The following RAB40C variants were observed in gnomAD, a reference collection of about 807,000 sequenced individuals.
The protein encoded by RAB40C is ras-related protein Rab-40C.
RAB40C carries 8 observed loss-of-function variants against 28.1 expected under a neutral mutation model. The observed-to-expected ratio is 0.28, with a 90% CI of 0.17 to 0.51. The LOEUF (loss-of-function observed/expected upper bound fraction) is 0.51, where lower values mean the gene tolerates loss of function less well. Among genes scored for constraint, RAB40C ranks in the 20% least tolerant of loss-of-function variants. The probability of loss-of-function intolerance (pLI) is 0.97; values close to 1 mark genes in which losing one functional copy is unlikely to be tolerated. For missense variants in RAB40C, 288 were observed against 405.9 expected (o/e 0.71, Z 2.50); for synonymous variants, 201 against 171.7 (o/e 1.17, Z -1.34).
At chr16:608,647 A>G (rs946983169) in intron 1 of RAB40C, among the ~76,000 whole-genome samples, 3 of 152,214 alleles carry the variant, frequency 2.0e-5, no homozygotes, top group African/African-American at 7.2e-5. Flanking sequence ...AGGCAGGCAG[A>G]TCACTTGAGG....
In RAB40C at chr16:625,685, C is replaced by T. The variant is rs140243187; in HGVS notation, c.342+176C>T. ...GGTCACTGTGCACACGACAGTCGGG[C>T]GTGGAGCCCAGCAAGACCAGGAGCT... On this transcript the variant is annotated intron_variant, in intron 4 of 5. Transcript: ENST00000248139. 5.0e-3 allele frequency: 4,174 copies of T among 837,896 alleles called. 22 individuals carry two copies. The highest frequency in any genetic ancestry group is 6.8e-3 in the Non-Finnish European group (3,649 of 534,638). 51.9% of individuals were successfully genotyped at this position (837,896 alleles called of 1,614,324 possible). A position where few individuals can be genotyped will look rare whatever the true frequency, so the allele number is the denominator to read the frequency against.
intron 1 of RAB40C, 169 bp from the exon 2 acceptor site, chr16:617,039 C>A: frequency 4.3e-6 from 3 of 700,730 alleles, no homozygotes; most frequent in Non-Finnish European, 4.9e-6. Flanking sequence ...GCCTGGGTTG[C>A]TGGGCCAGAG....
intron 2 of RAB40C, 105 bp downstream of exon 2, chr16:617,373 T>C: frequency 7.3e-7 from 1 of 1,367,010 alleles, no homozygotes; most frequent in African/African-American, 1.4e-5. Context: ...GCATTTCACT[T>C]GGAAGAGCCA....
chr16:603,013 T>G (rs568159981), intron 1 of RAB40C, among the ~76,000 whole-genome samples: 3 of 152,306 alleles, frequency 2.0e-5, no homozygotes, highest in East Asian at 3.9e-4. Flanking sequence ...GGTCTCACTG[T>G]GTTGCCCAGG....
chr16:622,472 C>T (rs984331761), intron 3 of RAB40C, among the ~76,000 whole-genome samples: 1 of 149,592 alleles, frequency 6.7e-6, no homozygotes, highest in African/African-American at 2.4e-5. Flanking sequence ...GCAGGGCGAG[C>T]GCGCGTCCTG....
rs1294052167 is a variant in RAB40C, at chr16:627,431, A to C, written c.655A>C (p.Lys219Gln). ...CAAGCTTCCACTGCCCGTCACCATCAAGAGCCACCTCAAGTCCTTCTCGAT... is the reference window on the plus strand; with the variant it reads ...CAAGCTTCCACTGCCCGTCACCATCCAGAGCCACCTCAAGTCCTTCTCGAT... ...IDKLPLPVTI[K>Q]SHLKSFSMAN... Residue 219 changes from lysine to glutamine, a missense_variant, in exon 6 of 6, where the codon AAG becomes CAG. Transcript: ENST00000248139. 17 of 1,613,728 alleles carry C rather than the reference A, an allele frequency of 1.1e-5. No homozygotes were observed. Among genetic ancestry groups the C allele is most frequent in the Non-Finnish European group, 1.4e-5 (16 of 1,179,974 alleles).
At chr16:611,904 C>A (rs1462701351) in intron 1 of RAB40C, among the ~76,000 whole-genome samples, 2 of 18,814 alleles carry the variant, frequency 1.1e-4, no homozygotes, top group African/African-American at 2.9e-4. Flanking sequence ...ATCAAGAGCA[C>A]GGGACAGCCG....
chr16:623,417 A>AG (rs1269474575), intron 3 of RAB40C, among the ~76,000 whole-genome samples: 2 of 151,966 alleles, frequency 1.3e-5, no homozygotes, highest in African/African-American at 4.8e-5. Context: ...TGGGAGGCCG[A>AG]GGTGGGCAGA....
intron 3 of RAB40C, 111 bp downstream of exon 3, chr16:618,371 G>T: frequency 9.2e-7 from 1 of 1,090,248 alleles, no homozygotes; most frequent in East Asian, 2.7e-5. Flanking sequence ...TTCTTTATAA[G>T]GATATTCTCA....
chr16:595,211 G>T (rs1596397014), intron 1 of RAB40C, among the ~76,000 whole-genome samples: 1 of 152,232 alleles, frequency 6.6e-6, no homozygotes, highest in Non-Finnish European at 1.5e-5. Flanking sequence ...CGTGTGATGA[G>T]TGTTGCCTGC....
chr16:623,224 C>G (rs983727488), intron 3 of RAB40C, among the ~76,000 whole-genome samples: 4 of 152,206 alleles, frequency 2.6e-5, no homozygotes, highest in Non-Finnish European at 4.4e-5. Context: ...CAGTGTCATG[C>G]GAATAGGGGT....
rs2036024367 is a variant in RAB40C at position 592,525 on chromosome 16, C to G, written c.142+2092C>G. Among the ~76,000 whole-genome samples the G allele has an allele frequency of 2.0e-5, 3 of 152,176 alleles. No homozygotes were observed. In the South Asian group the frequency reaches 6.2e-4, roughly 32 times the overall value. ...GCATTGGGGGCTCACACGTTAGGCC[C>G]CTGCACCTGCCGCCTCCTGGTCCTG... On this transcript the variant is annotated intron_variant, in intron 1 of 5. Transcript: ENST00000248139.
At chr16:622,815 T>C (rs574567289) in intron 3 of RAB40C, among the ~76,000 whole-genome samples, 2 of 152,286 alleles carry the variant, frequency 1.3e-5, no homozygotes, top group East Asian at 3.9e-4. Context: ...AAGTCGCTAG[T>C]TTTTTAAAAA....
rs1474694565 is a variant in RAB40C, at chr16:590,220, GCT to G, written c.-66_-65del. On this transcript the variant is annotated 5_prime_UTR_variant, in exon 1 of 6. Transcript: ENST00000248139. ...CAACGGGCGCAGGTGCGGGGCGCGG[GCT>G]CTCTCACGCCGCGGCCTCACCCGGC... 7.7e-6 allele frequency: 9 copies of G among 1,165,410 alleles called. No individual in the cohort carries two copies. Among genetic ancestry groups the G allele is most frequent in the Admixed American group, 4.7e-5 (1 of 21,064 alleles). 72.2% of individuals were successfully genotyped at this position (1,165,410 alleles called of 1,614,324 possible).
chr16:589,929 C>G (rs1487124374), upstream of RAB40C: 1 of 130,580 alleles, frequency 7.7e-6, no homozygotes, highest in African/African-American at 2.8e-5. Flanking sequence ...GGTGAAGAGG[C>G]GGTGCGACCG....
Position 627,527 on chromosome 16 carries a change from G to GGCA in RAB40C, c.755_757dup (p.Ser252dup), listed in dbSNP as rs1596421158. Reference sequence around the variant, plus strand: ...CCTGGCCAGCGGGGCCGGGGGCGGCGGCAGCAAGGGCAACAGCCTCAAGAG... The same window carrying GGCA: ...CCTGGCCAGCGGGGCCGGGGGCGGCGGCAGCAGCAAGGGCAACAGCCTCAAGAG... On this transcript the variant is annotated inframe_insertion, in exon 6 of 6. Transcript: ENST00000248139. 6.2e-7 allele frequency: 1 copy of GGCA among 1,613,626 alleles called. No individual in the cohort carries two copies. The highest frequency in any genetic ancestry group is 1.1e-5 in the South Asian group (1 of 91,056).
intron 1 of RAB40C, among the ~76,000 whole-genome samples, chr16:611,404 CGTG>C (rs1266628716): frequency 6.6e-6 from 1 of 152,232 alleles, no homozygotes; most frequent in Non-Finnish European, 1.5e-5. Context: ...TTGTGGCAAT[CGTG>C]GTGTCCAACT....
chr16:597,937 CAAAAAAAAAAAAA>C (rs57539332), intron 1 of RAB40C, among the ~76,000 whole-genome samples: 2 of 28,468 alleles, frequency 7.0e-5, no homozygotes, highest in South Asian at 1.5e-3. Context: ...CCCATCTCTA[CAAAAAAAAAAAAA>C]AAAAAAAAAA....
rs2151084238 is a variant in RAB40C, at chr16:628,544, T to C, written c.*922T>C. On this transcript the variant is annotated 3_prime_UTR_variant, in exon 6 of 6. Transcript: ENST00000248139. ...GTGAGGTTGCACGGCATCAGAACCATCCTGACCTTCTTAGGGACGTGCCTG... is the reference window on the plus strand; with the variant it reads ...GTGAGGTTGCACGGCATCAGAACCACCCTGACCTTCTTAGGGACGTGCCTG... 1 of 152,350 alleles carries C rather than the reference T, an allele frequency of 6.6e-6. No homozygotes were observed. The highest frequency in any genetic ancestry group is 3.4e-3 in the Middle Eastern group (1 of 294). The allele number at this position is 152,350 out of a possible 1,614,324, so 9.4% of individuals were successfully genotyped here.
Sources: allele counts gnomAD v4.1 joint callset (sites outside exome capture counted in the v4.1 genomes callset), GRCh38; gene constraint gnomAD v4.1.1; transcripts MANE v1.5; gene names NCBI Gene and HGNC (gene_info 2026-07-23, HGNC 2026-07-21).